Variants in QTMAN observed in about 807,000 individuals in gnomAD.
QTMAN encodes the protein queuosine-tRNA mannosyltransferase.
the QTMAN span, among the ~76,000 whole-genome samples, chr2:144,092,055 T>A: frequency 6.6e-6 from 1 of 152,224 alleles, no homozygotes; most frequent in Non-Finnish European, 1.5e-5. Flanking sequence ...AAGTGAGGAT[T>A]GATGGAGAAC....
the QTMAN span, among the ~76,000 whole-genome samples, chr2:144,108,777 C>CAA: frequency 2.6e-5 from 4 of 151,534 alleles, no homozygotes; most frequent in African/African-American, 9.8e-5. Flanking sequence ...AACAGACTAA[C>CAA]AGAGAGCCAA....
At chr2:144,030,937 G>C in the QTMAN span, among the ~76,000 whole-genome samples, 7 of 152,148 alleles carry the variant, frequency 4.6e-5, no homozygotes, top group African/African-American at 7.2e-5. Context: ...AAGCTAAGAG[G>C]CATGTTGTCT....
chr2:144,306,261 T>C, the QTMAN span, among the ~76,000 whole-genome samples: 12 of 152,208 alleles, frequency 7.9e-5, no homozygotes, highest in Non-Finnish European at 5.9e-5. Context: ...ACTGAAACAA[T>C]CATGACCTTT....
At chr2:144,038,324 A>G in the QTMAN span, among the ~76,000 whole-genome samples, 4 of 152,132 alleles carry the variant, frequency 2.6e-5, no homozygotes, top group East Asian at 7.7e-4. Context: ...TATATATTAC[A>G]TATACATTAC....
chr2:144,070,065 T>C, the QTMAN span, among the ~76,000 whole-genome samples: 2 of 152,102 alleles, frequency 1.3e-5, no homozygotes, highest in Non-Finnish European at 2.9e-5. Flanking sequence ...GTCCTTAACG[T>C]GCTTCTGGAA....
the QTMAN span, among the ~76,000 whole-genome samples, chr2:144,016,604 T>C: frequency 6.6e-6 from 1 of 152,226 alleles, no homozygotes; most frequent in African/African-American, 2.4e-5. Context: ...AAAAATGGTC[T>C]CTAATCATGT....
At chr2:144,126,556 AC>A in the QTMAN span, among the ~76,000 whole-genome samples, 1 of 152,088 alleles carries the variant, frequency 6.6e-6, no homozygotes, top group Non-Finnish European at 1.5e-5. Flanking sequence ...TCCTCACTTA[AC>A]GGCTTCAATA....
the QTMAN span, among the ~76,000 whole-genome samples, chr2:144,174,665 T>C: frequency 6.6e-6 from 1 of 152,134 alleles, no homozygotes; most frequent in Non-Finnish European, 1.5e-5. Flanking sequence ...GATTTTCCCA[T>C]GCTATTCTCA....
chr2:144,149,216 A>G, the QTMAN span, among the ~76,000 whole-genome samples: 160 of 152,094 alleles, frequency 1.1e-3, no homozygotes, highest in Non-Finnish European at 2.9e-4. Context: ...GCATTTTATC[A>G]TCCCACAGTG....
the QTMAN span, among the ~76,000 whole-genome samples, chr2:144,199,906 G>C: frequency 6.6e-6 from 1 of 151,982 alleles, no homozygotes; most frequent in Non-Finnish European, 1.5e-5. Flanking sequence ...TTTTTTTCAG[G>C]CCAAATAATT....
At chr2:144,285,377 C>A in the QTMAN span, among the ~76,000 whole-genome samples, 1 of 152,118 alleles carries the variant, frequency 6.6e-6, no homozygotes, top group Non-Finnish European at 1.5e-5. Context: ...ATATCTGAGA[C>A]CCCAGGACCT....
chr2:144,259,835 AC>A, the QTMAN span, among the ~76,000 whole-genome samples: 1 of 151,744 alleles, frequency 6.6e-6, no homozygotes, highest in East Asian at 1.9e-4. Context: ...CTAAGTGACC[AC>A]ACCTCTCAGG....
the QTMAN span, among the ~76,000 whole-genome samples, chr2:144,269,688 G>GA: frequency 6.6e-6 from 1 of 151,912 alleles, no homozygotes; most frequent in Non-Finnish European, 1.5e-5. Flanking sequence ...CAACGGGCCA[G>GA]AAAAATCCAA....
the QTMAN span, chr2:144,211,328 T>A: frequency 6.6e-6 from 1 of 152,636 alleles, no homozygotes; most frequent in Admixed American, 6.5e-5. Flanking sequence ...ATGTACAGGT[T>A]TGAACTAGCA....
chr2:144,180,122 A>T, the QTMAN span, among the ~76,000 whole-genome samples: 1 of 152,222 alleles, frequency 6.6e-6, no homozygotes, highest in Non-Finnish European at 1.5e-5. Context: ...CAGAAAAAAC[A>T]GGTAATCTTA....
chr2:144,197,614 CAT>C, the QTMAN span, among the ~76,000 whole-genome samples: 1 of 152,052 alleles, frequency 6.6e-6, no homozygotes, highest in Non-Finnish European at 1.5e-5. Context: ...ATCCTTTTCA[CAT>C]AGATAGGACA....
chr2:144,000,202 T>C, the QTMAN span, among the ~76,000 whole-genome samples: 3 of 152,092 alleles, frequency 2.0e-5, no homozygotes, highest in Non-Finnish European at 4.4e-5. Context: ...CTAATAGTGC[T>C]ATGTCAGAGG....
At chr2:144,073,255 T>C in the QTMAN span, among the ~76,000 whole-genome samples, 2 of 148,822 alleles carry the variant, frequency 1.3e-5, no homozygotes, top group African/African-American at 2.4e-5. Flanking sequence ...TATATTTATA[T>C]ATATATCATA....
chr2:144,081,851 CG>C, the QTMAN span, among the ~76,000 whole-genome samples: 1 of 152,040 alleles, frequency 6.6e-6, no homozygotes, highest in Non-Finnish European at 1.5e-5. Flanking sequence ...CTATCATTTA[CG>C]GGTATATACT....
Sources: allele counts gnomAD v4.1 joint callset (sites outside exome capture counted in the v4.1 genomes callset), GRCh38; gene constraint gnomAD v4.1.1; transcripts MANE v1.5; gene names NCBI Gene and HGNC (gene_info 2026-07-23, HGNC 2026-07-21).